The following RYR2 variants were observed in gnomAD, a reference collection of about 807,000 sequenced individuals.
The protein encoded by RYR2 is cardiac muscle ryanodine receptor-calcium release channel.
In RYR2, 227 loss-of-function variants were observed where a neutral mutation model predicts 601.1. That is an observed-to-expected ratio of 0.38 (90% CI 0.34 to 0.42). The LOEUF is 0.42. RYR2 is among the 10% of genes least tolerant of loss of function. The pLI is 1.00. For missense variants in RYR2, 4,646 were observed against 6,156.5 expected (o/e 0.75, Z 8.21); for synonymous variants, 2,223 against 2,175.1 (o/e 1.02, Z -0.61).
chr1:237,615,721 C>T (rs547594600), intron 37 of RYR2, among the ~76,000 whole-genome samples: 1 of 152,180 alleles, frequency 6.6e-6, no homozygotes, highest in South Asian at 2.1e-4. Flanking sequence ...AATCTCACAG[C>T]CTCTAAGGAA....
chr1:237,627,136 T>C (rs1169936526), intron 40 of RYR2, among the ~76,000 whole-genome samples: 2 of 152,218 alleles, frequency 1.3e-5, no homozygotes, highest in African/African-American at 4.8e-5. Flanking sequence ...CCACTTAATT[T>C]TGGTAATTTC....
chr1:237,772,665 T>G (rs988171827), intron 86 of RYR2, among the ~76,000 whole-genome samples: 3 of 152,168 alleles, frequency 2.0e-5, no homozygotes, highest in Non-Finnish European at 2.9e-5. Context: ...TTTTTTCCCC[T>G]CATTTTATTT....
chr1:237,193,311 A>G (rs1680206764), intron 1 of RYR2, among the ~76,000 whole-genome samples: 1 of 151,904 alleles, frequency 6.6e-6, no homozygotes, highest in Admixed American at 6.6e-5. Context: ...TAAAAATACA[A>G]AAAATATTAG....
At chr1:237,562,532 G>C (rs924055312) in intron 27 of RYR2, among the ~76,000 whole-genome samples, 1 of 152,100 alleles carries the variant, frequency 6.6e-6, no homozygotes, top group Non-Finnish European at 1.5e-5. Flanking sequence ...GAGGTACGGG[G>C]AGCACAGTCT....
At position 237,773,666 on chromosome 1, in the gene RYR2, G is replaced by A. The variant is rs766109996; in HGVS notation, c.11775+18G>A. On this transcript the variant is annotated intron_variant, in intron 87 of 104. Transcript: ENST00000366574. ...ATATTCAGGTAAACATTTAAACATG[G>A]CTGCTATCTGTAGCACTGAACTCCA... The A allele has an allele frequency of 6.2e-7, 1 of 1,606,726 alleles. No individual in the cohort carries two copies. The highest frequency in any genetic ancestry group is 8.5e-7 in the Non-Finnish European group (1 of 1,175,326).
At chr1:237,782,178 C>CTT (rs35521596) in intron 89 of RYR2, among the ~76,000 whole-genome samples, 7,646 of 119,050 alleles carry the variant, frequency 0.064, 382 homozygotes, top group Admixed American at 0.09. Context: ...TTTGTTATTG[C>CTT]TTTTTTTTTT....
chr1:237,178,563 A>G (rs1240576495), intron 1 of RYR2, among the ~76,000 whole-genome samples: 1 of 151,836 alleles, frequency 6.6e-6, no homozygotes, highest in East Asian at 1.9e-4. Flanking sequence ...GGTGGCTCAC[A>G]CCTCTAATCC....
chr1:237,309,632 C>T (rs1290756157), intron 2 of RYR2, among the ~76,000 whole-genome samples: 1 of 152,244 alleles, frequency 6.6e-6, no homozygotes, highest in African/African-American at 2.4e-5. Context: ...TGTGCCCACA[C>T]TCCTCAGCCC....
rs1668741790 is a variant in RYR2, at chr1:237,106,889, C to T, written c.48+64320C>T. Among the ~76,000 whole-genome samples, 2 of 152,158 alleles carry T rather than the reference C, an allele frequency of 1.3e-5. No homozygotes were observed. Among genetic ancestry groups the T allele is most frequent in the Admixed American group, 6.5e-5 (1 of 15,268 alleles). ...CGTGTAGAAGGGACAAAGGAGCTCT[C>T]TGAAGTCCCTTTGTAAAGGGCAGTA... On this transcript the variant is annotated intron_variant, in intron 1 of 104. Coordinates refer to ENST00000366574, the MANE Select transcript of RYR2 (RefSeq NM_001035.3). This position sits in a 1 kb window ranked among gnomAD's most constrained non-coding sequence, Gnocchi z 4.4.
At chr1:237,145,235 A>C (rs903129943) in intron 1 of RYR2, among the ~76,000 whole-genome samples, 1 of 152,006 alleles carries the variant, frequency 6.6e-6, no homozygotes, top group African/African-American at 2.4e-5. Flanking sequence ...AAAAAAAAAG[A>C]AAAAAAGAAA....
chr1:237,467,304 A>G (rs1475189695), intron 16 of RYR2, among the ~76,000 whole-genome samples: 1 of 151,342 alleles, frequency 6.6e-6, no homozygotes, highest in African/African-American at 2.4e-5. Flanking sequence ...ACTGAAAAGC[A>G]TGAGTTAAGT....
chr1:237,167,371 G>A (rs910759287), intron 1 of RYR2, among the ~76,000 whole-genome samples: 3 of 152,178 alleles, frequency 2.0e-5, no homozygotes, highest in Non-Finnish European at 4.4e-5. Context: ...ATCAAATAGA[G>A]TAACGGTCCC....
chr1:237,063,507 T>C (rs1454397227), intron 1 of RYR2, among the ~76,000 whole-genome samples: 4 of 152,152 alleles, frequency 2.6e-5, no homozygotes, highest in Admixed American at 2.6e-4. Context: ...TTTCTGGAAA[T>C]GCGAGTCTGT....
At chr1:237,687,539 A>G (rs761284544) in intron 63 of RYR2, 35 bp downstream of exon 63, 3 of 1,559,598 alleles carry the variant, frequency 1.9e-6, no homozygotes, top group Non-Finnish European at 2.6e-6. Flanking sequence ...AAGCATGGCC[A>G]TCACTTGGTT....
chr1:237,594,553 G>GT (rs1349015491), intron 33 of RYR2, among the ~76,000 whole-genome samples: 1 of 152,134 alleles, frequency 6.6e-6, no homozygotes, highest in African/African-American at 2.4e-5. Flanking sequence ...AACAGTATAA[G>GT]TAAAGAACTC....
At chr1:237,592,213 C>T (rs1030387655) in intron 32 of RYR2, among the ~76,000 whole-genome samples, 1 of 152,304 alleles carries the variant, frequency 6.6e-6, no homozygotes, top group Middle Eastern at 3.4e-3. Context: ...TCAAGCTTTG[C>T]TCCCTTCCAT....
chr1:237,069,000 A>G (rs1255153788), intron 1 of RYR2, among the ~76,000 whole-genome samples: 1 of 152,190 alleles, frequency 6.6e-6, no homozygotes, highest in East Asian at 1.9e-4. Context: ...CTTTTTCAGA[A>G]AAGAAGTTAT....
intron 52 of RYR2, among the ~76,000 whole-genome samples, chr1:237,655,105 G>A (rs918202460): frequency 1.3e-5 from 2 of 152,076 alleles, no homozygotes; most frequent in Non-Finnish European, 2.9e-5. Flanking sequence ...ATTACATTTG[G>A]TAGCAACACT....
chr1:237,623,355 CTTTG>C (rs1679266262), intron 38 of RYR2, among the ~76,000 whole-genome samples: 2 of 111,958 alleles, frequency 1.8e-5, no homozygotes, highest in African/African-American at 7.4e-5. Context: ...TTGTGCCTTT[CTTTG>C]TTTCTTTCTT....
Sources: gnomAD v4.1 joint callset for allele counts (sites outside exome capture counted in the v4.1 genomes callset) on GRCh38, gnomAD v4.1.1 for gene constraint, Gnocchi (gnomAD v3.1) non-coding constraint, MANE v1.5 for transcripts, NCBI Gene and HGNC (gene_info 2026-07-23, HGNC 2026-07-21) for gene names.